SLC4A4: variants seen among roughly 807,000 people sequenced by gnomAD.
SLC4A4 encodes the protein solute carrier family 4 member 4.
Under a neutral mutation model 111.5 loss-of-function variants are expected in SLC4A4, and 27 were observed. That is an observed-to-expected ratio of 0.24 (90% confidence interval 0.18 to 0.33). SLC4A4 has a LOEUF of 0.33. Among genes scored for constraint, SLC4A4 ranks in the 10% least tolerant of loss-of-function variants. The pLI, the probability that SLC4A4 is intolerant of heterozygous loss-of-function variation, is 1.00. For synonymous variants in SLC4A4, 443 were observed against 463.4 expected (o/e 0.96, Z 0.57); for missense variants, 909 against 1,315.5 (o/e 0.69, Z 4.78).
intron 1 of SLC4A4, among the ~76,000 whole-genome samples, chr4:71,224,472 G>A (rs969351333): frequency 3.3e-5 from 5 of 151,940 alleles, no homozygotes; most frequent in African/African-American, 1.2e-4. Flanking sequence ...TAGCCATGTG[G>A]TTTTTTTTGG....
At chr4:71,397,737 C>A in intron 7 of SLC4A4, 84 bp downstream of exon 7, 1 of 1,241,692 alleles carries the variant, frequency 8.1e-7, no homozygotes, top group South Asian at 1.2e-5. Context: ...GTGATGGTTG[C>A]TTCACTTAAA....
At chr4:71,289,211 A>G (rs1283908324) in intron 3 of SLC4A4, among the ~76,000 whole-genome samples, 1 of 152,248 alleles carries the variant, frequency 6.6e-6, no homozygotes, top group East Asian at 1.9e-4. Flanking sequence ...AAGGAAATAA[A>G]GCTCACTTAA....
chr4:71,270,197 C>A (rs965075878), intron 3 of SLC4A4, among the ~76,000 whole-genome samples: 1 of 152,180 alleles, frequency 6.6e-6, no homozygotes, highest in African/African-American at 2.4e-5. Context: ...AAGCGATTCT[C>A]TTGCCTCAGC....
At chr4:71,427,144 T>C (rs1439091204) in intron 7 of SLC4A4, among the ~76,000 whole-genome samples, 3 of 152,112 alleles carry the variant, frequency 2.0e-5, no homozygotes, top group Non-Finnish European at 2.9e-5. Context: ...CAGTGTTATA[T>C]ATTTGTTTTT....
intron 16 of SLC4A4, among the ~76,000 whole-genome samples, chr4:71,509,324 AT>A (rs1157750776): frequency 6.6e-6 from 1 of 152,018 alleles, no homozygotes; most frequent in African/African-American, 2.4e-5. Flanking sequence ...GCCTTTTTAT[AT>A]TTCTTGTGTC....
chr4:71,096,516 A>G (rs1237861322), intron 2 of SLC4A4, among the ~76,000 whole-genome samples: 1 of 152,068 alleles, frequency 6.6e-6, no homozygotes, highest in African/African-American at 2.4e-5. Flanking sequence ...GTGCCAAAAA[A>G]CTCAGTAATT....
In SLC4A4 at chr4:71,392,766, CA is replaced by C. The variant is rs370237547; in HGVS notation, c.731-4807del. On this transcript the variant is annotated intron_variant, in intron 6 of 25. Coordinates refer to ENST00000264485, the MANE Select transcript of SLC4A4 (RefSeq NM_001098484.3). The stretch of plus-strand genomic sequence containing the variant: ...TGAACATAGATGCCAAAATCCTTAA[CA>C]AAATACTAGCTAACCGAGTCCAACA... 7.7e-3 allele frequency among the ~76,000 whole-genome samples: 1,169 copies of C among 152,140 alleles called. 16 individuals are homozygous for C. Among genetic ancestry groups the C allele is most frequent in the African/African-American group, 0.025 (1,031 of 41,526 alleles).
At position 71,346,838 on chromosome 4, in the gene SLC4A4, C is replaced by G. The variant is rs192040631; in HGVS notation, c.390-3074C>G. On this transcript the variant is annotated intron_variant, in intron 4 of 25. Coordinates refer to ENST00000264485, the MANE Select transcript of SLC4A4 (RefSeq NM_001098484.3). ...TAATCAGTTCCTTAAACAATTAGAGCAATACATTTTAAAGCAATTTAATAG... is the reference window on the plus strand; with the variant it reads ...TAATCAGTTCCTTAAACAATTAGAGGAATACATTTTAAAGCAATTTAATAG... Among the ~76,000 whole-genome samples, 5 of 152,190 alleles carry G rather than the reference C, an allele frequency of 3.3e-5. No individual in the cohort carries two copies. The East Asian group carries it at 5.8e-4, about 18-fold the overall frequency.
At chr4:71,068,755 G>C (rs1200501255) in intron 1 of SLC4A4, among the ~76,000 whole-genome samples, 1 of 151,722 alleles carries the variant, frequency 6.6e-6, no homozygotes, top group Non-Finnish European at 1.5e-5. Flanking sequence ...GTAGAGACGA[G>C]GGGATCTCAC....
At chr4:71,437,633 C>A in intron 7 of SLC4A4, 1 of 515,746 alleles carries the variant, frequency 1.9e-6, no homozygotes. Flanking sequence ...TCCACAAAGG[C>A]AAGTTTATCA....
chr4:71,450,690 A>G, intron 10 of SLC4A4, 147 bp downstream of exon 10: 1 of 735,906 alleles, frequency 1.4e-6, no homozygotes, highest in Non-Finnish European at 2.3e-6. Flanking sequence ...TGGATCACTT[A>G]TGTGCCTTGG....
chr4:71,441,637 C>T (rs911375377), intron 8 of SLC4A4, among the ~76,000 whole-genome samples: 3 of 152,094 alleles, frequency 2.0e-5, no homozygotes, highest in African/African-American at 4.8e-5. Flanking sequence ...TCCTCCTCAG[C>T]TCAGACGGTC....
intron 16 of SLC4A4, among the ~76,000 whole-genome samples, chr4:71,506,582 C>A (rs1731439371): frequency 6.6e-6 from 1 of 152,018 alleles, no homozygotes; most frequent in Admixed American, 6.6e-5. Context: ...GCTCAAGAAC[C>A]TTTGGGGCTG....
At chr4:71,222,699 G>C (rs1274273482) in intron 1 of SLC4A4, among the ~76,000 whole-genome samples, 1 of 152,214 alleles carries the variant, frequency 6.6e-6, no homozygotes, top group African/African-American at 2.4e-5. Flanking sequence ...ATTTTAATAA[G>C]GGAACACAGA....
intron 4 of SLC4A4, among the ~76,000 whole-genome samples, chr4:71,341,070 A>G (rs530324506): frequency 6.6e-6 from 1 of 152,148 alleles, no homozygotes; most frequent in Non-Finnish European, 1.5e-5. Context: ...GCTGATTCCA[A>G]TGTATTTCAC....
chr4:71,236,527 C>T (rs775963240), intron 1 of SLC4A4, 49 bp from the exon 2 acceptor site: 15 of 1,545,782 alleles, frequency 9.7e-6, no homozygotes, highest in East Asian at 4.5e-5. Flanking sequence ...CCAAGTGGCT[C>T]GCTCCAGGAG....
intron 16 of SLC4A4, among the ~76,000 whole-genome samples, chr4:71,524,448 T>C (rs1733239775): frequency 6.6e-6 from 1 of 152,138 alleles, no homozygotes; most frequent in African/African-American, 2.4e-5. Context: ...TAGACTTCCA[T>C]TGTCAAGCTC....
At chr4:71,400,874 G>A (rs1015132243) in intron 7 of SLC4A4, among the ~76,000 whole-genome samples, 2 of 151,948 alleles carry the variant, frequency 1.3e-5, no homozygotes, top group South Asian at 2.1e-4. Context: ...GAAAAAAAAA[G>A]GTTTCCAGGC....
intron 1 of SLC4A4, among the ~76,000 whole-genome samples, chr4:71,217,042 C>T (rs577731876): frequency 1.4e-3 from 216 of 152,236 alleles, no homozygotes; most frequent in African/African-American, 5.0e-3. Flanking sequence ...AAATTCTTTA[C>T]TAATTTTGTT....
Sources: allele counts gnomAD v4.1 joint callset (sites outside exome capture counted in the v4.1 genomes callset), GRCh38; gene constraint gnomAD v4.1.1; transcripts MANE v1.5; gene names NCBI Gene and HGNC (gene_info 2026-07-23, HGNC 2026-07-21).